The following CWH43 variants were observed in gnomAD, a reference collection of about 807,000 sequenced individuals.
CWH43 encodes cell wall biogenesis 43 C-terminal homolog.
CWH43 carries 91 observed loss-of-function variants against 85.7 expected under a neutral mutation model. The ratio of observed to expected loss-of-function variants is 1.06; its 90% CI spans 0.90 to 1.26. The LOEUF is 1.26. Among genes scored for constraint, CWH43 ranks in the 50% most tolerant of loss-of-function variants. The pLI, the probability that CWH43 is intolerant of heterozygous loss-of-function variation, is 0.00. For missense variants in CWH43, 869 were observed against 839.2 expected (o/e 1.04, Z -0.44); for synonymous variants, 323 against 293.6 (o/e 1.10, Z -1.02).
intron 8 of CWH43, among the ~76,000 whole-genome samples, chr4:49,014,811 C>T (rs150280627): frequency 6.6e-6 from 1 of 151,376 alleles, no homozygotes; most frequent in African/African-American, 2.4e-5. Context: ...ACATACAGCA[C>T]CCCCCACTAT....
chr4:48,990,474 T>C (rs1167963680), intron 2 of CWH43, among the ~76,000 whole-genome samples: 1 of 152,188 alleles, frequency 6.6e-6, no homozygotes, highest in Non-Finnish European at 1.5e-5. Flanking sequence ...TATTCTTATA[T>C]AAATACAGAG....
intron 10 of CWH43, among the ~76,000 whole-genome samples, chr4:49,029,862 C>T (rs1314428174): frequency 6.6e-6 from 1 of 152,222 alleles, no homozygotes; most frequent in East Asian, 1.9e-4. Flanking sequence ...CTTCTCCCCA[C>T]TATCACCTTG....
At chr4:49,048,459 C>T (rs1487285031) in intron 14 of CWH43, among the ~76,000 whole-genome samples, 1 of 151,820 alleles carries the variant, frequency 6.6e-6, no homozygotes, top group East Asian at 1.9e-4. Context: ...TACTCTGTGA[C>T]ATAACAAAAT....
At chr4:49,019,047 C>A (rs1423036769) in intron 9 of CWH43, among the ~76,000 whole-genome samples, 1 of 152,124 alleles carries the variant, frequency 6.6e-6, no homozygotes, top group Non-Finnish European at 1.5e-5. Flanking sequence ...TTCTTTTGGT[C>A]ATTTGCTCAT....
chr4:49,050,631 GGATCTCGTTA>G lies in CWH43; in HGVS notation c.1866-59_1866-50del, dbSNP rs919987349. On this transcript the variant is annotated intron_variant, in intron 14 of 15. Transcript: ENST00000226432. Reference sequence around the variant, plus strand: ...GTTTAATAACAAAGGGGTATCACTTGGATCTCGTTAGATTTCTATACAATAATAAAACTGT... The same window carrying G: ...GTTTAATAACAAAGGGGTATCACTTGGATTTCTATACAATAATAAAACTGT... The G allele has an allele frequency of 4.4e-6, 6 of 1,353,152 alleles. No homozygotes were observed. The African/African-American group carries it at 8.7e-5, about 20-fold the overall frequency. The allele number at this position is 1,353,152 out of a possible 1,614,324, so 83.8% of individuals were successfully genotyped here.
Position 49,003,793 on chromosome 4 carries a change from CTG to C in CWH43, c.865_866del (p.Val289LeufsTer18), listed in dbSNP as rs763611135. 4 of 1,614,002 alleles carry C rather than the reference CTG, an allele frequency of 2.5e-6. No homozygotes were observed. In the East Asian group the frequency reaches 8.9e-5, roughly 36 times the overall value. On this transcript the variant is annotated frameshift_variant, in exon 7 of 16. Coordinates refer to ENST00000226432, the MANE Select transcript of CWH43 (RefSeq NM_025087.3). LOFTEE classifies it high-confidence loss of function. ...LHTWAAAVSGCVFAIFTASMW... is the reference protein window; with the variant it reads ...LHTWAAAVSGXVFAIFTASMW... ...ACACATGGGCAGCTGCTGTGTCTGG[CTG>C]TGTCTTCGCCATCTTTACTGCATCC...
intron 1 of CWH43, chr4:48,986,876 C>T (rs74947937): frequency 0.027 from 24,973 of 924,460 alleles, 397 homozygotes; most frequent in Non-Finnish European, 0.03. Flanking sequence ...GAAAGGGGCA[C>T]CCGTTTTCCC....
At chr4:48,986,969 T>G (rs1782515686) in intron 1 of CWH43, among the ~76,000 whole-genome samples, 1 of 152,194 alleles carries the variant, frequency 6.6e-6, no homozygotes, top group Non-Finnish European at 1.5e-5. Context: ...GGCTGCACAC[T>G]TGGGCATTTG....
At chr4:49,031,931 A>G (rs574081603) in intron 11 of CWH43, among the ~76,000 whole-genome samples, 6 of 152,298 alleles carry the variant, frequency 3.9e-5, no homozygotes, top group African/African-American at 1.4e-4. Flanking sequence ...GAGATACCCC[A>G]AGACAGTCAA....
chr4:49,043,764 CA>C (rs1784539697), intron 13 of CWH43, among the ~76,000 whole-genome samples: 1 of 151,816 alleles, frequency 6.6e-6, no homozygotes, highest in South Asian at 2.1e-4. Flanking sequence ...TAATTATTCC[CA>C]ATACTAAAGT....
At chr4:48,997,927 T>G (rs1362563319) in intron 5 of CWH43, among the ~76,000 whole-genome samples, 2 of 152,170 alleles carry the variant, frequency 1.3e-5, no homozygotes, top group Non-Finnish European at 2.9e-5. Context: ...CTTCTAAAGT[T>G]TAGTCAAATT....
chr4:49,051,375 C>T (rs566328091), intron 15 of CWH43, among the ~76,000 whole-genome samples: 1 of 152,170 alleles, frequency 6.6e-6, no homozygotes, highest in Non-Finnish European at 1.5e-5. Flanking sequence ...TCTGGCTGCA[C>T]ATTAGATTCA....
intron 15 of CWH43, among the ~76,000 whole-genome samples, 169 bp downstream of exon 15, chr4:49,051,018 G>T (rs1784779749): frequency 6.6e-6 from 1 of 152,166 alleles, no homozygotes; most frequent in Non-Finnish European, 1.5e-5. Flanking sequence ...AAGTTACGGT[G>T]CTTGCTTTCT....
chr4:48,993,403 C>T (rs1267489923), intron 4 of CWH43, among the ~76,000 whole-genome samples: 1 of 152,158 alleles, frequency 6.6e-6, no homozygotes, highest in Non-Finnish European at 1.5e-5. Context: ...ATCCCCATAG[C>T]TCTCGGCTCT....
chr4:49,033,408 C>G (rs138623876), intron 12 of CWH43, among the ~76,000 whole-genome samples: 1 of 152,224 alleles, frequency 6.6e-6, no homozygotes, highest in Non-Finnish European at 1.5e-5. Context: ...ACTGACTCCC[C>G]CTAAATGGTG....
chr4:49,035,058 G>A (rs1784224967), intron 12 of CWH43, among the ~76,000 whole-genome samples: 1 of 152,126 alleles, frequency 6.6e-6, no homozygotes, highest in Non-Finnish European at 1.5e-5. Context: ...AGTACTGTCT[G>A]GGACACTGTA....
intron 4 of CWH43, among the ~76,000 whole-genome samples, chr4:48,993,895 CA>C (rs1175486671): frequency 6.6e-6 from 1 of 152,060 alleles, no homozygotes; most frequent in African/African-American, 2.4e-5. Flanking sequence ...GCTGGGATTA[CA>C]GGCGTCTGCC....
At chr4:49,028,254 T>C (rs1287522650) in intron 9 of CWH43, among the ~76,000 whole-genome samples, 1 of 152,222 alleles carries the variant, frequency 6.6e-6, no homozygotes, top group Non-Finnish European at 1.5e-5. Context: ...CTTGTGGACC[T>C]ATGTAGCCCT....
At chr4:49,028,137 A>G (rs1401896496) in intron 9 of CWH43, among the ~76,000 whole-genome samples, 2 of 152,098 alleles carry the variant, frequency 1.3e-5, no homozygotes, top group Admixed American at 6.6e-5. Flanking sequence ...TATTGTTACT[A>G]TATATGACAG....
Sources: gnomAD v4.1 joint callset for allele counts (sites outside exome capture counted in the v4.1 genomes callset) on GRCh38, gnomAD v4.1.1 for gene constraint, MANE v1.5 for transcripts, NCBI Gene and HGNC (gene_info 2026-07-23, HGNC 2026-07-21) for gene names.